The following FLNB variants were observed in gnomAD, a reference collection of about 807,000 sequenced individuals.
FLNB encodes the protein filamin-B.
In FLNB, 111 loss-of-function variants were observed where a neutral mutation model predicts 250.6. The ratio of observed to expected loss-of-function variants is 0.44; its 90% CI spans 0.38 to 0.52. The LOEUF (loss-of-function observed/expected upper bound fraction) is 0.52, where lower values mean the gene tolerates loss of function less well. FLNB is among the 20% of genes least tolerant of loss of function. The pLI is 0.00. For synonymous variants in FLNB, 1,302 were observed against 1,372.1 expected (o/e 0.95, Z 1.13); for missense variants, 2,869 against 3,447.8 (o/e 0.83, Z 4.20).
chr3:58,014,764 T>C (rs2106684699), intron 1 of FLNB, among the ~76,000 whole-genome samples: 1 of 152,366 alleles, frequency 6.6e-6, no homozygotes, highest in Non-Finnish European at 1.5e-5. Flanking sequence ...AGTCTTGCTC[T>C]GTCGCCCAGG....
chr3:58,072,953 T>G (rs1414339901), intron 1 of FLNB, among the ~76,000 whole-genome samples: 1 of 152,210 alleles, frequency 6.6e-6, no homozygotes, highest in African/African-American at 2.4e-5. Context: ...GTTAATGATT[T>G]CATGTTAGGT....
At chr3:58,056,797 G>A (rs763933677) in intron 1 of FLNB, among the ~76,000 whole-genome samples, 3 of 151,774 alleles carry the variant, frequency 2.0e-5, no homozygotes, top group Non-Finnish European at 2.9e-5. Flanking sequence ...TACCATATTG[G>A]TCAGGATAGT....
At chr3:58,125,812 G>T in intron 23 of FLNB, 69 bp downstream of exon 23, 4 of 1,449,190 alleles carry the variant, frequency 2.8e-6, no homozygotes, top group Non-Finnish European at 3.9e-6. Flanking sequence ...ATGTGTCATG[G>T]TTTCCTAACT....
At chr3:58,041,038 C>T (rs1025501234) in intron 1 of FLNB, among the ~76,000 whole-genome samples, 1 of 152,076 alleles carries the variant, frequency 6.6e-6, no homozygotes, top group African/African-American at 2.4e-5. Context: ...CCTCATGTCA[C>T]TTACATGAGG....
At chr3:58,074,411 T>C (rs1000450851) in intron 1 of FLNB, among the ~76,000 whole-genome samples, 2 of 152,084 alleles carry the variant, frequency 1.3e-5, no homozygotes, top group Non-Finnish European at 2.9e-5. Flanking sequence ...AGCTGGGAAA[T>C]GGTTCCAAAA....
chr3:58,147,698 C>T (rs2097337914), intron 34 of FLNB, among the ~76,000 whole-genome samples: 2 of 152,210 alleles, frequency 1.3e-5, no homozygotes, highest in Admixed American at 1.3e-4. Flanking sequence ...CTCACTCTAT[C>T]ACCCAGGCTG....
chr3:58,168,778 G>A, intron 44 of FLNB, 120 bp downstream of exon 44: 1 of 768,306 alleles, frequency 1.3e-6, no homozygotes, highest in East Asian at 2.7e-5. Context: ...AACTTTGAAT[G>A]TCAGTAAATA....
Position 58,152,608 on chromosome 3 carries a change from G to C in FLNB, c.6368-767G>C, listed in dbSNP as rs991383661. On this transcript the variant is annotated intron_variant, in intron 38 of 45. Transcript: ENST00000295956. Reference sequence around the variant, plus strand: ...CCATGATAATCCCATCACATTGTTGGGGGTAGGGTTTCAATATTTGAATTT... The same window carrying C: ...CCATGATAATCCCATCACATTGTTGCGGGTAGGGTTTCAATATTTGAATTT... 3 of 372,386 alleles carry C rather than the reference G, an allele frequency of 8.1e-6. No homozygotes were observed. The Admixed American group carries it at 1.0e-4, about 13-fold the overall frequency. The allele number at this position is 372,386 out of a possible 1,614,324, so 23.1% of individuals were successfully genotyped here.
chr3:58,012,209 CAAAAA>C (rs10608167), intron 1 of FLNB, among the ~76,000 whole-genome samples: 1,370 of 105,996 alleles, frequency 0.013, 72 homozygotes, highest in Admixed American at 0.1. Context: ...GACTCTGACT[CAAAAA>C]AAAAAAAAAA....
chr3:58,050,907 C>A (rs931981317), intron 1 of FLNB, among the ~76,000 whole-genome samples: 3 of 152,192 alleles, frequency 2.0e-5, no homozygotes, highest in Admixed American at 2.0e-4. Context: ...GTTCCTATTG[C>A]GGGTGAAGCG....
intron 18 of FLNB, among the ~76,000 whole-genome samples, chr3:58,115,052 T>C (rs2107141993): frequency 6.6e-6 from 1 of 152,332 alleles, no homozygotes; most frequent in East Asian, 1.9e-4. Flanking sequence ...CGGCTTCTTA[T>C]CTCCAGACTT....
intron 1 of FLNB, among the ~76,000 whole-genome samples, chr3:58,027,169 TC>T (rs2097124598): frequency 6.6e-6 from 1 of 152,020 alleles, no homozygotes; most frequent in South Asian, 2.1e-4. Context: ...TTTTTTTTTT[TC>T]CAGACAGGGT....
intron 4 of FLNB, among the ~76,000 whole-genome samples, chr3:58,083,180 T>G (rs1482066771): frequency 6.6e-6 from 1 of 152,156 alleles, no homozygotes; most frequent in Non-Finnish European, 1.5e-5. Flanking sequence ...AAGGTTCACT[T>G]ACTACATTTG....
intron 4 of FLNB, among the ~76,000 whole-genome samples, chr3:58,083,991 A>C (rs1456858462): frequency 6.6e-6 from 1 of 151,986 alleles, no homozygotes; most frequent in African/African-American, 2.4e-5. Context: ...CAGAAGATTG[A>C]GACCATCCTG....
chr3:58,047,630 G>A (rs780701606), intron 1 of FLNB, among the ~76,000 whole-genome samples: 32 of 151,874 alleles, frequency 2.1e-4, no homozygotes, highest in Non-Finnish European at 3.7e-4. Context: ...CTGTAGTGCA[G>A]TGGCATGATC....
chr3:58,116,742 T>C (rs1203696825), intron 18 of FLNB, among the ~76,000 whole-genome samples: 1 of 152,284 alleles, frequency 6.6e-6, no homozygotes, highest in East Asian at 1.9e-4. Context: ...TCTCTTCTCT[T>C]GGTTGTGGGT....
intron 34 of FLNB, among the ~76,000 whole-genome samples, chr3:58,147,557 G>C (rs2097337723): frequency 6.6e-6 from 1 of 152,230 alleles, no homozygotes; most frequent in Non-Finnish European, 1.5e-5. Flanking sequence ...ACCTGTCTGT[G>C]AAGCAGCCAG....
intron 43 of FLNB, among the ~76,000 whole-genome samples, chr3:58,168,211 G>A (rs2097374191): frequency 6.6e-6 from 1 of 152,190 alleles, no homozygotes; most frequent in African/African-American, 2.4e-5. Flanking sequence ...GTGCTTGTGG[G>A]CGAAATGTCA....
rs142747695 is a variant in FLNB at position 58,155,979 on chromosome 3, C to G, written c.6792C>G (p.Ile2264Met). ...AQEPGNYEVSIKFNDEHIPES... is the reference protein window; with the variant it reads ...AQEPGNYEVSMKFNDEHIPES... ...TCATAGGTAACTACGAGGTGTCCAT[C>G]AAGTTCAATGATGAGCACATCCCGG... The change falls in exon 41 of 46, where the codon ATC becomes ATG. Residue 2264 changes from isoleucine to methionine, a missense_variant. Physicochemically the swap from Ile to Met is conservative, Grantham distance 10. Coordinates refer to ENST00000295956, the MANE Select transcript of FLNB (RefSeq NM_001457.4). 5.7e-5 allele frequency: 92 copies of G among 1,613,460 alleles called. No individual in the cohort carries two copies. Among genetic ancestry groups the G allele is most frequent in the Non-Finnish European group, 7.6e-5 (90 of 1,179,486 alleles).
Sources: gnomAD v4.1 joint callset for allele counts (sites outside exome capture counted in the v4.1 genomes callset) on GRCh38, gnomAD v4.1.1 for gene constraint, MANE v1.5 for transcripts, NCBI Gene and HGNC (gene_info 2026-07-23, HGNC 2026-07-21) for gene names.